Variants in FAM133A observed in about 807,000 individuals in gnomAD.
The protein encoded by FAM133A is protein FAM133A.
For missense variants in FAM133A, 159 were observed against 164.4 expected, an observed-to-expected ratio of 0.97 and a Z score of 0.18; for synonymous variants, 65 against 58.6, an observed-to-expected ratio of 1.11 and a Z score of -0.50.
At chrX:93,675,043 CTT>C (rs1458233841) in intron 2 of FAM133A, among the ~76,000 whole-genome samples, 1 of 111,982 alleles carries the variant, frequency 8.9e-6, no homozygotes, top group Non-Finnish European at 1.9e-5. Context: ...TTAGATTAAT[CTT>C]TATAGAATTT....
At chrX:93,690,902 T>A (rs984942047) in intron 2 of FAM133A, among the ~76,000 whole-genome samples, 2 of 111,869 alleles carry the variant, frequency 1.8e-5, no homozygotes, top group Non-Finnish European at 3.8e-5. Context: ...TTTGCCTTTT[T>A]TATTATGGCC....
In FAM133A at chrX:93,685,952, T is replaced by C. The variant is rs1834527861; in HGVS notation, c.-193+11200T>C. Among the ~76,000 whole-genome samples the C allele has an allele frequency of 2.8e-5, 3 of 108,521 alleles. No individual in the cohort carries two copies. The South Asian group carries it at 1.2e-3, about 44-fold the overall frequency. 94.2% of individuals were successfully genotyped at this position (108,521 alleles called of 115,157 possible). On this transcript the variant is annotated intron_variant, in intron 2 of 3. Transcript: ENST00000683942. ...GGTGAAACCTGGTCTCTACTGAAAA[T>C]ACAAAAATTAGCTGGGCGTGGTGGC...
chrX:93,680,023 C>A (rs1184567098), intron 2 of FAM133A, among the ~76,000 whole-genome samples: 1 of 100,502 alleles, frequency 1.0e-5, no homozygotes, highest in Admixed American at 1.1e-4. Context: ...GTGATCCGCC[C>A]ACATTGGTCT....
chrX:93,675,993 T>C (rs1279956835), intron 2 of FAM133A, among the ~76,000 whole-genome samples: 1 of 111,577 alleles, frequency 9.0e-6, no homozygotes, highest in Non-Finnish European at 1.9e-5. Context: ...TAGGAATTAG[T>C]ATTTTAGAGT....
chrX:93,696,554 A>G (rs751346032), intron 2 of FAM133A, among the ~76,000 whole-genome samples: 1 of 111,974 alleles, frequency 8.9e-6, no homozygotes, highest in East Asian at 2.8e-4. Flanking sequence ...CAATTATTTA[A>G]TTGAGTATAT....
Position 93,702,837 on chromosome X carries a change from T to TAAAAAA in FAM133A, c.-104+4380_-104+4385dup. Among the ~76,000 whole-genome samples, 76 of 43,034 alleles carry TAAAAAA rather than the reference T, an allele frequency of 1.8e-3. 1 individual carries two copies. Among genetic ancestry groups the TAAAAAA allele is most frequent in the South Asian group, 3.3e-3 (1 of 304 alleles). 37.4% of individuals were successfully genotyped at this position (43,034 alleles called of 115,157 possible). A position where few individuals can be genotyped will look rare whatever the true frequency, so the allele number is the denominator to read the frequency against. ...ACTTACAATCTAATTATAGCTATGA[T>TAAAAAA]AAAAAAAAAAAAAAAAAAAAAAAAA... On this transcript the variant is annotated intron_variant, in intron 3 of 3. Transcript: ENST00000683942.
chrX:93,700,707 G>A (rs1427724018), intron 3 of FAM133A, among the ~76,000 whole-genome samples: 6 of 111,451 alleles, frequency 5.4e-5, no homozygotes, highest in African/African-American at 1.6e-4. Flanking sequence ...TTAAGGAAAT[G>A]TACATATACA....
At position 93,684,299 on chromosome X, in the gene FAM133A, A is replaced by G. The variant is rs778534402; in HGVS notation, c.-193+9547A>G. On this transcript the variant is annotated intron_variant, in intron 2 of 3. Transcript: ENST00000683942. ...AGTGTTCTTGGAGCCTTTGTCAAAA[A>G]TCAGTTGGCTGTAGATATGTGGATT... Among the ~76,000 whole-genome samples, 3 of 112,172 alleles carry G rather than the reference A, an allele frequency of 2.7e-5. No individual in the cohort carries two copies. In the East Asian group the frequency reaches 8.4e-4, roughly 32 times the overall value.
chrX:93,706,358 T>G (rs1927043189), intron 3 of FAM133A, among the ~76,000 whole-genome samples: 1 of 111,651 alleles, frequency 9.0e-6, no homozygotes, highest in Non-Finnish European at 1.9e-5. Context: ...CTTTGTAGGT[T>G]TTTCATTCAC....
chrX:93,707,698 TG>T (rs1420670418), intron 3 of FAM133A, among the ~76,000 whole-genome samples: 1 of 111,650 alleles, frequency 9.0e-6, no homozygotes. Flanking sequence ...GGTAAATGCC[TG>T]TTCATTCCTT....
chrX:93,680,802 C>A (rs1248398111), intron 2 of FAM133A, among the ~76,000 whole-genome samples: 1 of 111,606 alleles, frequency 9.0e-6, no homozygotes, highest in Non-Finnish European at 1.9e-5. Flanking sequence ...TTTAAAATTA[C>A]TGAGTTGTTT....
intron 3 of FAM133A, among the ~76,000 whole-genome samples, chrX:93,701,030 G>T (rs1926660302): frequency 9.0e-6 from 1 of 111,416 alleles, no homozygotes; most frequent in Non-Finnish European, 1.9e-5. Flanking sequence ...TTGATAAGTT[G>T]TTAGACGAGA....
At chrX:93,691,404 C>A (rs1325871845) in intron 2 of FAM133A, among the ~76,000 whole-genome samples, 1 of 111,938 alleles carries the variant, frequency 8.9e-6, no homozygotes, top group Non-Finnish European at 1.9e-5. Flanking sequence ...AAAAGACTAT[C>A]GTTTTCACCA....
chrX:93,698,749 T>C (rs1035991215), intron 3 of FAM133A, among the ~76,000 whole-genome samples: 7 of 111,478 alleles, frequency 6.3e-5, no homozygotes, highest in African/African-American at 2.3e-4. Context: ...AATGGAGCAA[T>C]AGATTTTAGA....
chrX:93,677,795 G>T (rs892367420), intron 2 of FAM133A, among the ~76,000 whole-genome samples: 6 of 111,786 alleles, frequency 5.4e-5, no homozygotes, highest in Non-Finnish European at 1.1e-4. Flanking sequence ...TCATTACCTG[G>T]CAATACTACA....
chrX:93,709,969 T>A lies in FAM133A; in HGVS notation c.550T>A (p.Tyr184Asn), dbSNP rs370025513. 3.4e-6 allele frequency: 4 copies of A among 1,190,610 alleles called. No homozygotes were observed. The highest frequency in any genetic ancestry group is 4.5e-6 in the Non-Finnish European group (4 of 888,749). ...CCTCAGCAAAAAAAGAAAGAAAAGT[T>A]ACCCTGATGATAAACCTTTATCATC... ...RSLSKKRKKS[Y>N]PDDKPLSSES... The change falls in exon 4 of 4, where the codon TAC (tyrosine) becomes AAC (asparagine). Residue 184 changes from tyrosine to asparagine, a missense_variant. By Grantham distance (143) the Tyr-to-Asn change is moderately radical (BLOSUM62 -2). Transcript: ENST00000683942.
At chrX:93,702,062 G>A (rs1926739811) in intron 3 of FAM133A, among the ~76,000 whole-genome samples, 1 of 111,702 alleles carries the variant, frequency 9.0e-6, no homozygotes, top group Non-Finnish European at 1.9e-5. Flanking sequence ...AATAATTCCT[G>A]TCGCGTGCAA....
intron 2 of FAM133A, among the ~76,000 whole-genome samples, chrX:93,684,806 T>G (rs1044025747): frequency 2.7e-5 from 3 of 112,060 alleles, no homozygotes; most frequent in Non-Finnish European, 5.6e-5. Flanking sequence ...TGAATAACAT[T>G]GTTTGTTTAA....
At chrX:93,698,142 T>C (rs1926429550) in intron 2 of FAM133A, among the ~76,000 whole-genome samples, 1 of 111,319 alleles carries the variant, frequency 9.0e-6, no homozygotes, top group Admixed American at 9.6e-5. Context: ...GAGCAATCTA[T>C]AGTTATTTAT....
Sources: gnomAD v4.1 joint callset for allele counts (sites outside exome capture counted in the v4.1 genomes callset) on GRCh38, gnomAD v4.1.1 for gene constraint, MANE v1.5 for transcripts, NCBI Gene and HGNC (gene_info 2026-07-23, HGNC 2026-07-21) for gene names.